GRIA3: variants seen among roughly 807,000 people sequenced by gnomAD.
The protein encoded by GRIA3 is glutamate ionotropic receptor AMPA type subunit 3, also known as glutamate receptor 3.
GRIA3 carries 3 observed loss-of-function variants against 63.0 expected under a neutral mutation model. The ratio of observed to expected loss-of-function variants is 0.05; its 90% CI spans 0.02 to 0.12. The LOEUF is 0.12. Among genes scored for constraint, GRIA3 ranks in the 10% least tolerant of loss-of-function variants. GRIA3 has a pLI of 1.00. For missense variants in GRIA3, 347 were observed against 700.9 expected (o/e 0.50, Z 5.70); for synonymous variants, 274 against 257.9 (o/e 1.06, Z -0.60).
intron 5 of GRIA3, among the ~76,000 whole-genome samples, chrX:123,375,771 C>T (rs1384636958): frequency 8.9e-6 from 1 of 111,956 alleles, no homozygotes; most frequent in Non-Finnish European, 1.9e-5. Flanking sequence ...TCAGCCAACT[C>T]TCAACTTTAG....
chrX:123,405,883 G>A (rs1402020405), intron 10 of GRIA3, among the ~76,000 whole-genome samples: 2 of 111,946 alleles, frequency 1.8e-5, no homozygotes, highest in Non-Finnish European at 3.8e-5. Flanking sequence ...TGAACTCCTC[G>A]AGGACAGAAG....
chrX:123,207,162 T>C (rs1272569041), intron 2 of GRIA3, among the ~76,000 whole-genome samples: 4 of 37,058 alleles, frequency 1.1e-4, no homozygotes, highest in Middle Eastern at 0.014. Flanking sequence ...GTATTATAAT[T>C]TGCAAAAAAA....
In GRIA3 at chrX:123,403,480, A is replaced by G; in HGVS notation, c.1254A>G (p.Ala418=). The change falls in exon 9 of 16, where the codon GCA becomes GCG. Residue 418 remains alanine, a synonymous_variant. Transcript: ENST00000620443. ...FSDQQISNDS[A]SSENRTIVVT... ...ATCAGCAAATCAGCAATGACAGTGC[A>G]TCCTCAGAGAATCGGACCATAGTAG... The G allele has an allele frequency of 8.4e-7, 1 of 1,186,577 alleles. No individual in the cohort carries two copies. Among genetic ancestry groups the G allele is most frequent in the South Asian group, 1.8e-5 (1 of 56,416 alleles).
rs995631429 is a variant in GRIA3 at position 123,477,520 on chromosome X, T to C, written c.2325-2543T>C. Among the ~76,000 whole-genome samples, 6 of 111,663 alleles carry C rather than the reference T, an allele frequency of 5.4e-5. No homozygotes were observed. In the East Asian group the frequency reaches 1.7e-3, roughly 31 times the overall value. On this transcript the variant is annotated intron_variant, in intron 13 of 15. Transcript: ENST00000620443. ...CAATCTATTGTAATTTCACCCATCA[T>C]ATGGCCTCCAGGAAACTCCACTGTA...
At chrX:123,375,021 G>A (rs1368634647) in intron 5 of GRIA3, among the ~76,000 whole-genome samples, 2 of 111,537 alleles carry the variant, frequency 1.8e-5, no homozygotes, top group African/African-American at 6.5e-5. Flanking sequence ...AAGTCTTAGA[G>A]GAAATGCTTT....
intron 2 of GRIA3, among the ~76,000 whole-genome samples, chrX:123,209,921 C>T (rs1048333802): frequency 2.7e-5 from 3 of 110,027 alleles, no homozygotes; most frequent in Non-Finnish European, 5.7e-5. Context: ...TTGAAGCCCC[C>T]GACTTCTACA....
At chrX:123,243,198 T>C (rs1027510933) in intron 2 of GRIA3, among the ~76,000 whole-genome samples, 2 of 112,307 alleles carry the variant, frequency 1.8e-5, no homozygotes, top group Non-Finnish European at 3.8e-5. Context: ...TTCCCTACTT[T>C]CGTTGATGTT....
At chrX:123,378,805 A>C (rs1189088053) in intron 5 of GRIA3, among the ~76,000 whole-genome samples, 1 of 111,573 alleles carries the variant, frequency 9.0e-6, no homozygotes, top group African/African-American at 3.3e-5. Context: ...TAATAGGTGA[A>C]AATGGACCAA....
intron 2 of GRIA3, among the ~76,000 whole-genome samples, chrX:123,236,034 CTT>C (rs747989384): frequency 1.8e-5 from 2 of 111,295 alleles, no homozygotes; most frequent in East Asian, 2.8e-4. Flanking sequence ...AGGGGCCTCT[CTT>C]AGTTTTCTCC....
intron 3 of GRIA3, 122 bp from the exon 4 acceptor site, chrX:123,325,904 C>G: frequency 1.7e-6 from 1 of 583,481 alleles, no homozygotes. Flanking sequence ...TATGAGTAAG[C>G]CTGCTTTCCA....
chrX:123,326,237 G>C, intron 4 of GRIA3, 24 bp downstream of exon 4: 1 of 1,141,996 alleles, frequency 8.8e-7, no homozygotes, highest in Non-Finnish European at 1.2e-6. Flanking sequence ...TTATTTCACC[G>C]CCAGCCAACA....
chrX:123,477,681 A>G (rs2045893273), intron 13 of GRIA3, among the ~76,000 whole-genome samples: 1 of 112,227 alleles, frequency 8.9e-6, no homozygotes, highest in Admixed American at 9.4e-5. Context: ...CAACTGCTCT[A>G]AACTGACATG....
At chrX:123,463,786 A>G (rs1603171501) in intron 12 of GRIA3, among the ~76,000 whole-genome samples, 1 of 100,678 alleles carries the variant, frequency 9.9e-6, no homozygotes, top group African/African-American at 4.6e-5. Context: ...AAGAAAAAGA[A>G]AGAGAAAGAA....
At chrX:123,343,978 TC>T (rs2045026944) in intron 4 of GRIA3, among the ~76,000 whole-genome samples, 2 of 111,062 alleles carry the variant, frequency 1.8e-5, no homozygotes, top group African/African-American at 6.6e-5. Flanking sequence ...CTCATTTAGG[TC>T]TCACAATAAC....
intron 6 of GRIA3, among the ~76,000 whole-genome samples, chrX:123,395,494 T>C (rs1286613330): frequency 8.9e-6 from 1 of 112,231 alleles, no homozygotes; most frequent in Non-Finnish European, 1.9e-5. Context: ...AATTAGATTT[T>C]ACATTATTTA....
chrX:123,276,408 T>C (rs1406556884), intron 3 of GRIA3, among the ~76,000 whole-genome samples: 1 of 111,737 alleles, frequency 8.9e-6, no homozygotes, highest in Non-Finnish European at 1.9e-5. Flanking sequence ...GGGTCCTGTA[T>C]AACAGCTGAG....
At chrX:123,477,611 G>T (rs2045892930) in intron 13 of GRIA3, among the ~76,000 whole-genome samples, 1 of 111,941 alleles carries the variant, frequency 8.9e-6, no homozygotes, top group African/African-American at 3.2e-5. Flanking sequence ...TGACCTCACA[G>T]ATCTTTTGAT....
At chrX:123,328,501 T>C (rs767172037) in intron 4 of GRIA3, among the ~76,000 whole-genome samples, 18 of 112,349 alleles carry the variant, frequency 1.6e-4, no homozygotes, top group African/African-American at 5.8e-4. Flanking sequence ...CTTTCATTTA[T>C]TCTTTTTCCC....
intron 5 of GRIA3, among the ~76,000 whole-genome samples, chrX:123,377,632 A>G (rs143188151): frequency 2.7e-5 from 3 of 112,469 alleles, no homozygotes; most frequent in African/African-American, 9.7e-5. Flanking sequence ...GCATTATAGA[A>G]AAGTGAAATT....
Sources: allele counts gnomAD v4.1 joint callset (sites outside exome capture counted in the v4.1 genomes callset), GRCh38; gene constraint gnomAD v4.1.1; transcripts MANE v1.5; gene names NCBI Gene and HGNC (gene_info 2026-07-23, HGNC 2026-07-21).